The following ADAMTS3 variants were observed in gnomAD, a reference collection of about 807,000 sequenced individuals.
ADAMTS3 encodes the protein A disintegrin and metalloproteinase with thrombospondin motifs 3.
A neutral mutation model predicts 129.0 loss-of-function variants in ADAMTS3; 73 were observed. The observed-to-expected ratio is 0.57, with a 90% CI of 0.47 to 0.69. The LOEUF (loss-of-function observed/expected upper bound fraction) is 0.69, where lower values mean the gene tolerates loss of function less well. Among genes scored for constraint, ADAMTS3 ranks in the 30% least tolerant of loss-of-function variants. The probability of loss-of-function intolerance (pLI) is 0.00; values close to 1 mark genes in which losing one functional copy is unlikely to be tolerated. For missense variants in ADAMTS3, 1,457 were observed against 1,514.5 expected (o/e 0.96, Z 0.63); for synonymous variants, 477 against 510.8 (o/e 0.93, Z 0.89).
rs900784535 is a variant in ADAMTS3 at position 72,320,822 on chromosome 4, C to T, written c.994G>A (p.Val332Met). The T allele has an allele frequency of 1.2e-5, 20 of 1,613,900 alleles. No homozygotes were observed. Among genetic ancestry groups the T allele is most frequent in the Non-Finnish European group, 1.7e-5 (20 of 1,179,928 alleles). Residue 332 changes from valine (V) to methionine (M), a missense_variant, in exon 7 of 22, where the codon GTG (valine) becomes ATG (methionine). Coordinates refer to ENST00000286657, the MANE Select transcript of ADAMTS3 (RefSeq NM_014243.3). ...TGCTGTTGGGACGCCCAGCGACACA[C>T]ATTCTCCAAGCTTCTGGATGGGTTT... The part of the protein sequence containing the change: ...RGNPSRSLEN[V>M]CRWASQQQRS...
intron 3 of ADAMTS3, among the ~76,000 whole-genome samples, chr4:72,422,627 A>G (rs924275464): frequency 6.6e-6 from 1 of 152,128 alleles, no homozygotes; most frequent in African/African-American, 2.4e-5. Context: ...CACTCAACTC[A>G]AACACTGCCA....
intron 4 of ADAMTS3, among the ~76,000 whole-genome samples, chr4:72,391,851 C>T (rs992034938): frequency 6.6e-5 from 10 of 151,786 alleles, no homozygotes; most frequent in Non-Finnish European, 1.0e-4. Flanking sequence ...ATTACAGATG[C>T]GATACTTCTG....
chr4:72,421,566 G>A lies in ADAMTS3; in HGVS notation c.505-6595C>T, dbSNP rs572514522. Among the ~76,000 whole-genome samples, 10 of 152,320 alleles carry A rather than the reference G, an allele frequency of 6.6e-5. No homozygotes were observed. In the South Asian group the frequency reaches 1.9e-3, roughly 28 times the overall value. On this transcript the variant is annotated intron_variant, in intron 3 of 21. Transcript: ENST00000286657. The stretch of plus-strand genomic sequence containing the variant: ...GAGTGTCATGGGCACCTAAGTAGGA[G>A]AGAGTTTTGTCAAAGAAAAAGTAAC...
At chr4:72,343,584 A>G (rs1426633763) in intron 4 of ADAMTS3, among the ~76,000 whole-genome samples, 4 of 152,142 alleles carry the variant, frequency 2.6e-5, no homozygotes, top group African/African-American at 9.7e-5. Context: ...ACAACCTTTG[A>G]GCCTTTAGGG....
Position 72,548,757 on chromosome 4 carries a change from G to A in ADAMTS3, c.225C>T (p.Ser75=). ...HKKRSARDVS[S]NPEQLFFNIT... ...TGTTAAAGAACAACTGCTCAGGGTT[G>A]GAAGACACGTCCCTCGCTGACCTCT... Residue 75 remains serine (S), a synonymous_variant, in exon 3 of 22, where the codon TCC becomes TCT. Transcript: ENST00000286657. The A allele has an allele frequency of 1.2e-6, 2 of 1,613,962 alleles. No homozygotes were observed. The highest frequency in any genetic ancestry group is 8.5e-7 in the Non-Finnish European group (1 of 1,179,900).
chr4:72,283,604 G>A lies in ADAMTS3; in HGVS notation c.3150C>T (p.Cys1050=). Residue 1050 remains cysteine (C), a synonymous_variant, in exon 22 of 22, where the codon TGC becomes TGT. Coordinates refer to ENST00000286657, the MANE Select transcript of ADAMTS3 (RefSeq NM_014243.3). ...PGYNKLCCES[C]SKRSSTLPPP... The stretch of plus-strand genomic sequence containing the variant: ...GTGGCAGGGTGCTACTGCGCTTGCT[G>A]CAGGACTCACAACATAACTTGTTAT... 6.2e-7 allele frequency: 1 copy of A among 1,613,996 alleles called. No individual in the cohort carries two copies. Among genetic ancestry groups the A allele is most frequent in the Non-Finnish European group, 8.5e-7 (1 of 1,179,958 alleles).
chr4:72,487,446 A>C (rs1719619345), intron 3 of ADAMTS3, among the ~76,000 whole-genome samples: 1 of 152,110 alleles, frequency 6.6e-6, no homozygotes, highest in Admixed American at 6.6e-5. Context: ...GGAGTCAAAG[A>C]ACCAATCAGC....
chr4:72,346,022 A>AGGTC (rs760527986), intron 4 of ADAMTS3, among the ~76,000 whole-genome samples: 2 of 152,120 alleles, frequency 1.3e-5, no homozygotes, highest in Non-Finnish European at 2.9e-5. Context: ...ATCCATCAAT[A>AGGTC]GGTCATCAAG....
chr4:72,449,300 C>T (rs1718334512), intron 3 of ADAMTS3, among the ~76,000 whole-genome samples: 1 of 151,738 alleles, frequency 6.6e-6, no homozygotes, highest in Admixed American at 6.6e-5. Context: ...ATCTAACAGA[C>T]ATCTCAAACT....
intron 4 of ADAMTS3, among the ~76,000 whole-genome samples, chr4:72,374,377 TA>T (rs1286454869): frequency 6.6e-6 from 1 of 152,094 alleles, no homozygotes; most frequent in East Asian, 1.9e-4. Flanking sequence ...TTTTTAGCAT[TA>T]AGCTGCTAAC....
Position 72,513,623 on chromosome 4 carries a change from T to A in ADAMTS3, c.504+34855A>T, listed in dbSNP as rs570112408. ...TCCTTCTTTCCCCATACTTGTCACA[T>A]CCATATGTTTACTTTCAGATTTTCC... On this transcript the variant is annotated intron_variant, in intron 3 of 21. Transcript: ENST00000286657. Among the ~76,000 whole-genome samples the A allele has an allele frequency of 2.0e-5, 3 of 152,300 alleles. No homozygotes were observed. The South Asian group carries it at 6.2e-4, about 32-fold the overall frequency.
intron 3 of ADAMTS3, among the ~76,000 whole-genome samples, chr4:72,521,973 T>C (rs1720686989): frequency 6.6e-6 from 1 of 152,172 alleles, no homozygotes; most frequent in African/African-American, 2.4e-5. Context: ...AACATCCCAT[T>C]GAAAACAGAG....
In ADAMTS3 at chr4:72,414,844, A is replaced by T; in HGVS notation, c.632T>A (p.Ile211Lys). ...GTAGTGGAAGTCTTTGGACATGTCT[A>T]TGGGAGCCTGTTCTACAGCTGATCT... ...YKRSAVEQAP[I>K]DMSKDFHYRE... Residue 211 changes from isoleucine (I) to lysine (K), a missense_variant, in exon 4 of 22, where the codon ATA becomes AAA. Physicochemically the swap from Ile to Lys is moderately radical, Grantham distance 102. Coordinates refer to ENST00000286657, the MANE Select transcript of ADAMTS3 (RefSeq NM_014243.3). 2 of 1,541,528 alleles carry T rather than the reference A, an allele frequency of 1.3e-6. No homozygotes were observed. The highest frequency in any genetic ancestry group is 1.7e-6 in the Non-Finnish European group (2 of 1,148,524).
At chr4:72,541,668 G>A (rs1286267111) in intron 3 of ADAMTS3, among the ~76,000 whole-genome samples, 1 of 152,120 alleles carries the variant, frequency 6.6e-6, no homozygotes, top group Admixed American at 6.5e-5. Context: ...TGCTGTTTTT[G>A]TGATAGTGAA....
chr4:72,311,137 C>T lies in ADAMTS3; in HGVS notation c.1966G>A (p.Asp656Asn). Reference protein sequence around the residue: ...HLYCQSKETGDVAYMKQLVHD... With the variant: ...HLYCQSKETGNVAYMKQLVHD... The stretch of plus-strand genomic sequence containing the variant: ...ACCAGTTGTTTCATGTAAGCAACAT[C>T]TCCAGTCTCCTTGGACTGACAGTAA... Residue 656 changes from aspartate (D) to asparagine (N), a missense_variant, in exon 14 of 22, where the codon GAT (aspartate) becomes AAT (asparagine). Physicochemically the swap from Asp to Asn is conservative, Grantham distance 23. Transcript: ENST00000286657. 1 of 1,612,514 alleles carries T rather than the reference C, an allele frequency of 6.2e-7. No homozygotes were observed.
chr4:72,288,130 T>G (rs573067905), intron 21 of ADAMTS3, among the ~76,000 whole-genome samples: 1 of 152,310 alleles, frequency 6.6e-6, no homozygotes, highest in African/African-American at 2.4e-5. Context: ...CCTCCCAAAG[T>G]GCTGGGATTA....
Position 72,513,358 on chromosome 4 carries a change from C to T in ADAMTS3, c.504+35120G>A, listed in dbSNP as rs140620941. ...AGGAATTCCACTCAATAATGTTATA[C>T]CATCTTTCCCTTTTCAATGACCACA... On this transcript the variant is annotated intron_variant, in intron 3 of 21. Transcript: ENST00000286657. Among the ~76,000 whole-genome samples the T allele has an allele frequency of 1.1e-4, 16 of 152,218 alleles. No individual in the cohort carries two copies. In the East Asian group the frequency reaches 3.1e-3, roughly 29 times the overall value.
chr4:72,489,024 T>G (rs1719664246), intron 3 of ADAMTS3, among the ~76,000 whole-genome samples: 1 of 151,994 alleles, frequency 6.6e-6, no homozygotes, highest in Non-Finnish European at 1.5e-5. Flanking sequence ...AGTGAGATCA[T>G]GCAATATTTG....
chr4:72,358,901 T>C (rs1157878686), intron 4 of ADAMTS3, among the ~76,000 whole-genome samples: 1 of 151,932 alleles, frequency 6.6e-6, no homozygotes, highest in Admixed American at 6.6e-5. Context: ...TACTAAAGCA[T>C]AGGTGAAAGA....
Sources: allele counts gnomAD v4.1 joint callset (sites outside exome capture counted in the v4.1 genomes callset), GRCh38; gene constraint gnomAD v4.1.1; transcripts MANE v1.5; gene names NCBI Gene and HGNC (gene_info 2026-07-23, HGNC 2026-07-21).